The following SLC25A24 variants were observed in gnomAD, a reference collection of about 807,000 sequenced individuals.
The protein encoded by SLC25A24 is solute carrier family 25 member 24.
A neutral mutation model predicts 60.7 loss-of-function variants in SLC25A24; 49 were observed. That is an observed-to-expected ratio of 0.81 (90% CI 0.64 to 1.02). The LOEUF (loss-of-function observed/expected upper bound fraction) is 1.02. SLC25A24 is among the 50% of genes least tolerant of loss of function. SLC25A24 has a pLI of 0.00. For missense variants in SLC25A24, 564 were observed against 586.3 expected (o/e 0.96, Z 0.39); for synonymous variants, 202 against 200.6 (o/e 1.01, Z -0.06).
At position 108,157,754 on chromosome 1, in the gene SLC25A24, T is replaced by C. The variant is rs987573956; in HGVS notation, c.511-134A>G. On this transcript the variant is annotated intron_variant, in intron 4 of 9. Transcript: ENST00000565488. ...TCCCTAGAATTTATACTAAACCAATTTGAGTACATAGATTATAAGTTGTCT... is the reference window on the plus strand; with the variant it reads ...TCCCTAGAATTTATACTAAACCAATCTGAGTACATAGATTATAAGTTGTCT... The C allele has an allele frequency of 2.2e-5, 20 of 906,694 alleles. No individual in the cohort carries two copies. The East Asian group carries it at 4.5e-4, about 20-fold the overall frequency. The allele number at this position is 906,694 out of a possible 1,614,324, so 56.2% of individuals were successfully genotyped here.
At chr1:108,140,532 A>G (rs1038843838) in intron 8 of SLC25A24, among the ~76,000 whole-genome samples, 16 of 152,152 alleles carry the variant, frequency 1.1e-4, no homozygotes, top group African/African-American at 3.6e-4. Flanking sequence ...TTGAAAATCT[A>G]AATTTCAAAA....
chr1:108,148,204 G>T (rs1007640696), intron 7 of SLC25A24, 75 bp downstream of exon 7: 2 of 886,652 alleles, frequency 2.3e-6, no homozygotes, highest in Non-Finnish European at 3.8e-6. Flanking sequence ...TGTTAATTTT[G>T]GGATAACTTG....
chr1:108,180,593 T>C (rs1647879173), intron 3 of SLC25A24, among the ~76,000 whole-genome samples: 1 of 146,558 alleles, frequency 6.8e-6, no homozygotes, highest in African/African-American at 2.6e-5. Flanking sequence ...GACTATGGCC[T>C]TATAATAGAA....
rs1267984747 is a variant in SLC25A24, at chr1:108,187,635, A to C, written c.184-1681T>G. ...ATACTCAGATTTTAAAGAAATTTAA[A>C]GTGTAATTTGAAAACATTTCCATGA... On this transcript the variant is annotated intron_variant, in intron 1 of 9. Transcript: ENST00000565488. Among the ~76,000 whole-genome samples, 3 of 152,130 alleles carry C rather than the reference A, an allele frequency of 2.0e-5. No homozygotes were observed. In the East Asian group the frequency reaches 5.8e-4, roughly 29 times the overall value.
intron 7 of SLC25A24, 112 bp downstream of exon 7, chr1:108,148,167 G>A (rs1014075608): frequency 1.3e-6 from 1 of 750,516 alleles, no homozygotes; most frequent in Non-Finnish European, 2.4e-6. Flanking sequence ...CAGAGAAACT[G>A]TGCGATGATA....
At chr1:108,178,954 GA>G (rs1029135618) in intron 3 of SLC25A24, among the ~76,000 whole-genome samples, 17 of 151,414 alleles carry the variant, frequency 1.1e-4, no homozygotes, top group African/African-American at 3.6e-4. Context: ...TTCCTGAGAT[GA>G]AAAAAAATGG....
chr1:108,167,244 G>GT (rs1169799065), intron 3 of SLC25A24, among the ~76,000 whole-genome samples: 4 of 151,276 alleles, frequency 2.6e-5, no homozygotes, highest in South Asian at 2.1e-4. Flanking sequence ...CTGTCTTTTT[G>GT]TTTGTCTGTG....
At chr1:108,156,715 T>C (rs1679909916) in intron 5 of SLC25A24, among the ~76,000 whole-genome samples, 1 of 152,242 alleles carries the variant, frequency 6.6e-6, no homozygotes, top group South Asian at 2.1e-4. Context: ...TATTGCTTGA[T>C]TCTTAAACCA....
intron 3 of SLC25A24, among the ~76,000 whole-genome samples, chr1:108,180,355 A>C (rs1329113194): frequency 6.6e-6 from 1 of 150,674 alleles, no homozygotes; most frequent in Non-Finnish European, 1.5e-5. Context: ...ACAGAGCTAG[A>C]CTCCATCTCA....
chr1:108,142,868 A>G (rs1009868561), intron 8 of SLC25A24, among the ~76,000 whole-genome samples: 51 of 152,250 alleles, frequency 3.3e-4, no homozygotes, highest in African/African-American at 9.9e-4. Context: ...CTAAATCTCA[A>G]TAAAGCTCTT....
chr1:108,143,500 A>T lies in SLC25A24; in HGVS notation c.1098+43T>A, dbSNP rs533764859. The stretch of plus-strand genomic sequence containing the variant: ...TCATATAAAGTCCAATTCTAACAAG[A>T]TCTAACTGCATTTTCCAATTCAAAA... On this transcript the variant is annotated intron_variant, in intron 8 of 9. Coordinates refer to ENST00000565488, the MANE Select transcript of SLC25A24 (RefSeq NM_013386.5). The T allele has an allele frequency of 1.6e-5, 24 of 1,542,088 alleles. No individual in the cohort carries two copies. The Admixed American group carries it at 4.5e-4, about 29-fold the overall frequency.
At chr1:108,139,390 T>C (rs1571275448) in intron 8 of SLC25A24, among the ~76,000 whole-genome samples, 182 bp from the exon 9 acceptor site, 1 of 151,994 alleles carries the variant, frequency 6.6e-6, no homozygotes, top group African/African-American at 2.4e-5. Context: ...CCACTGGGGG[T>C]GCGGAACACA....
chr1:108,184,792 T>A (rs1460603261), intron 2 of SLC25A24, among the ~76,000 whole-genome samples: 3 of 152,190 alleles, frequency 2.0e-5, no homozygotes, highest in Non-Finnish European at 4.4e-5. Context: ...TCTGGACTTC[T>A]GGACAAAAAA....
intron 1 of SLC25A24, among the ~76,000 whole-genome samples, chr1:108,188,801 T>C (rs1483599960): frequency 6.6e-6 from 1 of 152,190 alleles, no homozygotes; most frequent in African/African-American, 2.4e-5. Context: ...TGGAAGGAAA[T>C]GGGGAGGTCT....
chr1:108,192,407 C>T, intron 1 of SLC25A24: 1 of 946,768 alleles, frequency 1.1e-6, no homozygotes, highest in Non-Finnish European at 1.6e-6. Flanking sequence ...TCAAGCTTGA[C>T]AACATGTAAA....
chr1:108,169,192 G>A (rs571759763), intron 3 of SLC25A24, among the ~76,000 whole-genome samples: 23 of 152,284 alleles, frequency 1.5e-4, no homozygotes, highest in African/African-American at 4.8e-4. Context: ...TGTAGAAACA[G>A]CACTGACTTG....
chr1:108,192,730 C>T (rs1648384069), intron 1 of SLC25A24: 2 of 1,405,688 alleles, frequency 1.4e-6, no homozygotes, highest in African/African-American at 2.8e-5. Flanking sequence ...GGGAAGAGGC[C>T]TAAGACAGCA....
At chr1:108,162,612 A>G (rs1680119531) in intron 3 of SLC25A24, among the ~76,000 whole-genome samples, 1 of 152,030 alleles carries the variant, frequency 6.6e-6, no homozygotes, top group African/African-American at 2.4e-5. Flanking sequence ...GTGTCTGTTC[A>G]TGTCCTTCAC....
chr1:108,167,352 A>C (rs1486627717), intron 3 of SLC25A24, among the ~76,000 whole-genome samples: 1 of 152,060 alleles, frequency 6.6e-6, no homozygotes, highest in East Asian at 1.9e-4. Context: ...TTGTTTACCT[A>C]AGCAAGCCTG....
Sources: allele counts gnomAD v4.1 joint callset (sites outside exome capture counted in the v4.1 genomes callset), GRCh38; gene constraint gnomAD v4.1.1; transcripts MANE v1.5; gene names NCBI Gene and HGNC (gene_info 2026-07-23, HGNC 2026-07-21).